Variants in SCIN observed in about 807,000 individuals in gnomAD.
SCIN encodes adseverin.
A neutral mutation model predicts 91.8 loss-of-function variants in SCIN; 91 were observed. The observed-to-expected ratio is 0.99, with a 90% CI of 0.84 to 1.18. SCIN has a LOEUF of 1.18. Among genes scored for constraint, SCIN ranks in the 50% most tolerant of loss-of-function variants. The pLI, the probability that SCIN is intolerant of heterozygous loss-of-function variation, is 0.00. For missense variants in SCIN, 1,087 were observed against 863.9 expected (o/e 1.26, Z -3.24); for synonymous variants, 367 against 312.6 (o/e 1.17, Z -1.84).
At position 12,651,925 on chromosome 7, in the gene SCIN, A is replaced by C. The variant is rs1388577259; in HGVS notation, c.2020+24A>C. 3.9e-6 allele frequency: 6 copies of C among 1,544,274 alleles called. No individual in the cohort carries two copies. Among genetic ancestry groups the C allele is most frequent in the Non-Finnish European group, 5.3e-6 (6 of 1,123,580 alleles). On this transcript the variant is annotated intron_variant, in intron 15 of 15. Transcript: ENST00000297029. This position sits in a 1 kb window ranked among gnomAD's most constrained non-coding sequence, Gnocchi z 5.9. ...TGGTAAGCTCAATCGATGGACCATT[A>C]TAGCAGTAACCGGGCACCATTATGA...
chr7:12,608,816 C>T (rs1260977974), intron 4 of SCIN, among the ~76,000 whole-genome samples: 2 of 152,106 alleles, frequency 1.3e-5, no homozygotes, highest in Non-Finnish European at 1.5e-5. Context: ...TAATGGGGTT[C>T]TTTTAAAATT....
At chr7:12,642,997 A>C (rs367982314) in intron 11 of SCIN, among the ~76,000 whole-genome samples, 3 of 152,136 alleles carry the variant, frequency 2.0e-5, no homozygotes, top group East Asian at 3.9e-4. Flanking sequence ...TTTTTTTGAC[A>C]TTTAAAAACT....
At chr7:12,652,504 T>C (rs969588428) in intron 15 of SCIN, 84 bp from the exon 16 acceptor site, 1 of 1,269,232 alleles carries the variant, frequency 7.9e-7, no homozygotes, top group Non-Finnish European at 1.1e-6. Flanking sequence ...AATTCATTAC[T>C]TTTATTCGAA....
intron 4 of SCIN, 80 bp downstream of exon 4, chr7:12,604,743 G>A: frequency 1.2e-6 from 1 of 839,056 alleles, no homozygotes; most frequent in Non-Finnish European, 1.8e-6. Flanking sequence ...TGTGTGTAAG[G>A]CAGCAGGGTG....
intron 3 of SCIN, among the ~76,000 whole-genome samples, chr7:12,592,477 G>C (rs1173225013): frequency 6.6e-6 from 1 of 152,002 alleles, no homozygotes; most frequent in Non-Finnish European, 1.5e-5. Flanking sequence ...ATTTGGAAGA[G>C]TCTTTTAACT....
chr7:12,626,114 G>A (rs886890), intron 7 of SCIN: 197,546 of 402,314 alleles, frequency 0.49, 49,701 homozygotes, highest in Admixed American at 0.63. Context: ...ACCACAGTAG[G>A]TTTAGCTAAG....
intron 15 of SCIN, 126 bp downstream of exon 15, chr7:12,652,027 T>C: frequency 1.6e-6 from 1 of 615,384 alleles, no homozygotes; most frequent in Non-Finnish European, 2.8e-6. Flanking sequence ...TTAGCATTCC[T>C]CCTCAAAACT....
intron 3 of SCIN, among the ~76,000 whole-genome samples, chr7:12,586,985 T>C (rs1782601240): frequency 6.6e-6 from 1 of 151,906 alleles, no homozygotes; most frequent in Non-Finnish European, 1.5e-5. Context: ...TACAGCAATA[T>C]AGGAGGAATA....
At chr7:12,626,166 C>T in intron 7 of SCIN, 1 of 328,656 alleles carries the variant, frequency 3.0e-6, no homozygotes, top group South Asian at 5.6e-5. Flanking sequence ...GTTGTGCAGA[C>T]TTGGCCTGAA....
intron 15 of SCIN, among the ~76,000 whole-genome samples, chr7:12,652,206 C>A (rs1784093083): frequency 6.6e-6 from 1 of 152,152 alleles, no homozygotes; most frequent in African/African-American, 2.4e-5. Context: ...TGTGATAAGC[C>A]AGATTTTTTA....
intron 5 of SCIN, among the ~76,000 whole-genome samples, chr7:12,624,696 A>G (rs1583306515): frequency 6.6e-6 from 1 of 152,306 alleles, no homozygotes; most frequent in East Asian, 1.9e-4. Flanking sequence ...CTCAGCCATT[A>G]TTATTATCAC....
intron 3 of SCIN, among the ~76,000 whole-genome samples, chr7:12,592,407 C>G (rs567281495): frequency 6.6e-6 from 1 of 152,010 alleles, no homozygotes; most frequent in African/African-American, 2.4e-5. Context: ...AGCTTGTTTA[C>G]GATGGGCTGT....
chr7:12,613,380 G>A (rs1262457727), intron 4 of SCIN, among the ~76,000 whole-genome samples: 1 of 152,112 alleles, frequency 6.6e-6, no homozygotes, highest in African/African-American at 2.4e-5. Flanking sequence ...ATAAACAATA[G>A]TATTTACTTC....
At chr7:12,601,213 G>C (rs1782951427) in intron 3 of SCIN, among the ~76,000 whole-genome samples, 1 of 152,142 alleles carries the variant, frequency 6.6e-6, no homozygotes, top group African/African-American at 2.4e-5. Context: ...TTAAGCGGGG[G>C]TCAGAGAGAC....
chr7:12,615,863 C>A (rs10258985), intron 4 of SCIN, among the ~76,000 whole-genome samples: 1 of 151,930 alleles, frequency 6.6e-6, no homozygotes, highest in African/African-American at 2.4e-5. Flanking sequence ...AAAGTTTTCC[C>A]AACTCCCTTG....
intron 3 of SCIN, among the ~76,000 whole-genome samples, chr7:12,581,439 T>C (rs1463417925): frequency 6.6e-6 from 1 of 152,182 alleles, no homozygotes; most frequent in African/African-American, 2.4e-5. Flanking sequence ...ATTTAGTTCT[T>C]CCTACCATAG....
chr7:12,575,626 C>CTT (rs1449857888), intron 1 of SCIN, among the ~76,000 whole-genome samples: 1 of 151,990 alleles, frequency 6.6e-6, no homozygotes, highest in Non-Finnish European at 1.5e-5. Context: ...CCACAAAATA[C>CTT]TTATAGAAAT....
intron 4 of SCIN, among the ~76,000 whole-genome samples, chr7:12,616,031 A>G (rs1783292826): frequency 6.6e-6 from 1 of 151,954 alleles, no homozygotes; most frequent in African/African-American, 2.4e-5. Context: ...GTGAAAAAAT[A>G]CTCCTGGAGG....
chr7:12,588,030 C>G (rs1359131720), intron 3 of SCIN, among the ~76,000 whole-genome samples: 7 of 152,144 alleles, frequency 4.6e-5, no homozygotes, highest in African/African-American at 1.4e-4. Context: ...GGCTTTCAGA[C>G]TTTTGTCTCT....
Sources: allele counts gnomAD v4.1 joint callset (sites outside exome capture counted in the v4.1 genomes callset), GRCh38; gene constraint gnomAD v4.1.1; non-coding constraint Gnocchi (gnomAD v3.1); transcripts MANE v1.5; gene names NCBI Gene and HGNC (gene_info 2026-07-23, HGNC 2026-07-21).